Variants in BBS9 observed in about 807,000 individuals in gnomAD.
BBS9 encodes protein PTHB1.
A neutral mutation model predicts 117.7 loss-of-function variants in BBS9; 89 were observed. The observed-to-expected ratio is 0.76, with a 90% CI of 0.64 to 0.90. BBS9 has a LOEUF of 0.90. BBS9 is among the 40% of genes least tolerant of loss of function. BBS9 has a pLI of 0.00. For synonymous variants in BBS9, 379 were observed against 370.9 expected, an observed-to-expected ratio of 1.02 and a Z score of -0.25; for missense variants, 982 against 1,042.2, an observed-to-expected ratio of 0.94 and a Z score of 0.80.
At chr7:33,193,276 T>C (rs1341181607) in intron 5 of BBS9, among the ~76,000 whole-genome samples, 4 of 152,210 alleles carry the variant, frequency 2.6e-5, no homozygotes, top group Non-Finnish European at 5.9e-5. Context: ...TATCACTTTG[T>C]CACTGTGTGT....
intron 21 of BBS9, among the ~76,000 whole-genome samples, chr7:33,573,500 T>C (rs1365138646): frequency 6.6e-6 from 1 of 152,152 alleles, no homozygotes; most frequent in Non-Finnish European, 1.5e-5. Context: ...CTTATTCTTG[T>C]CTAAGCTTTA....
In BBS9 at chr7:33,493,167, G is replaced by T. The variant is rs1003360644; in HGVS notation, c.2116-12296G>T. ...GAGCCACTATGCCCGGCTAATTTTT[G>T]TATTTTTAGTAGAGACAGGGTTTTG... On this transcript the variant is annotated intron_variant, in intron 19 of 22. Coordinates refer to ENST00000242067, the MANE Select transcript of BBS9 (RefSeq NM_198428.3). Among the ~76,000 whole-genome samples, 6 of 152,012 alleles carry T rather than the reference G, an allele frequency of 3.9e-5. No homozygotes were observed. In the South Asian group the frequency reaches 1.2e-3, roughly 32 times the overall value.
At chr7:33,607,780 A>C (rs187580226), downstream of BBS9, among the ~76,000 whole-genome samples, 1 of 152,158 alleles carries the variant, frequency 6.6e-6, no homozygotes, top group Admixed American at 6.6e-5. Context: ...ACAACTCATC[A>C]TTTGTAATGT....
chr7:33,139,581 T>C (rs984660594), intron 1 of BBS9, among the ~76,000 whole-genome samples: 3 of 151,276 alleles, frequency 2.0e-5, no homozygotes, highest in South Asian at 2.1e-4. Flanking sequence ...GGATTTTGAC[T>C]TTTTAAAAAT....
At chr7:33,586,631 G>A (rs555531257) in intron 21 of BBS9, among the ~76,000 whole-genome samples, 19 of 152,156 alleles carry the variant, frequency 1.2e-4, no homozygotes, top group Non-Finnish European at 2.4e-4. Context: ...TAGCAAAGAC[G>A]TGGAATCAAC....
chr7:33,509,219 A>G (rs1297639411), intron 20 of BBS9, among the ~76,000 whole-genome samples: 1 of 152,214 alleles, frequency 6.6e-6, no homozygotes, highest in East Asian at 1.9e-4. Flanking sequence ...CTTCGGACTT[A>G]TACTGTTGAG....
At chr7:33,412,253 T>A (rs2128825835) in intron 19 of BBS9, among the ~76,000 whole-genome samples, 1 of 152,298 alleles carries the variant, frequency 6.6e-6, no homozygotes, top group South Asian at 2.1e-4. Flanking sequence ...TTGAATTGGA[T>A]TTTCAGTCTG....
At chr7:33,328,879 T>C (rs1049766384) in intron 9 of BBS9, among the ~76,000 whole-genome samples, 2 of 152,094 alleles carry the variant, frequency 1.3e-5, no homozygotes, top group Non-Finnish European at 2.9e-5. Flanking sequence ...ATAAAACTAG[T>C]TAAATGTTTT....
At chr7:33,589,615 A>G (rs1037681456) in intron 21 of BBS9, among the ~76,000 whole-genome samples, 1 of 152,090 alleles carries the variant, frequency 6.6e-6, no homozygotes, top group African/African-American at 2.4e-5. Flanking sequence ...GAATGACTCT[A>G]GTAGTTTTGG....
chr7:33,472,227 A>G (rs1462411096), intron 19 of BBS9, among the ~76,000 whole-genome samples: 1 of 152,220 alleles, frequency 6.6e-6, no homozygotes, highest in Non-Finnish European at 1.5e-5. Context: ...AGCACTGTGA[A>G]GATGTCCAGG....
intron 15 of BBS9, among the ~76,000 whole-genome samples, chr7:33,354,476 C>T (rs547202954): frequency 3.9e-5 from 6 of 152,188 alleles, no homozygotes; most frequent in African/African-American, 1.2e-4. Flanking sequence ...AAGCACAGTA[C>T]GTAGCCAGAC....
chr7:33,446,296 T>G (rs979961964), intron 19 of BBS9, among the ~76,000 whole-genome samples: 22 of 152,342 alleles, frequency 1.4e-4, no homozygotes, highest in Admixed American at 6.5e-4. Context: ...CTTCTATGTC[T>G]AATATTAAGG....
intron 21 of BBS9, among the ~76,000 whole-genome samples, chr7:33,611,199 G>T (rs1029363580): frequency 6.6e-6 from 1 of 151,942 alleles, no homozygotes; most frequent in Non-Finnish European, 1.5e-5. Context: ...TCCAGAAAGA[G>T]AAGTTCATGA....
At chr7:33,455,233 G>T (rs1052968779) in intron 19 of BBS9, among the ~76,000 whole-genome samples, 1 of 91,242 alleles carries the variant, frequency 1.1e-5, no homozygotes, top group African/African-American at 5.7e-5. Context: ...AAATATGGAC[G>T]TGATGGTGGT....
chr7:33,624,772 C>T (rs1356595462), intron 21 of BBS9, among the ~76,000 whole-genome samples: 1 of 152,108 alleles, frequency 6.6e-6, no homozygotes, highest in Non-Finnish European at 1.5e-5. Flanking sequence ...TTAAAGGGGG[C>T]ACTATTAATA....
chr7:33,228,680 G>T (rs1486742037), intron 5 of BBS9, among the ~76,000 whole-genome samples: 2 of 152,106 alleles, frequency 1.3e-5, no homozygotes, highest in Non-Finnish European at 2.9e-5. Flanking sequence ...AGTAAAGTCA[G>T]CTATAGTAAA....
intron 19 of BBS9, among the ~76,000 whole-genome samples, chr7:33,420,968 C>T (rs953594374): frequency 9.2e-5 from 14 of 152,182 alleles, no homozygotes; most frequent in Non-Finnish European, 1.5e-4. Context: ...ATCGAGGCCT[C>T]TCTAGACACT....
chr7:33,307,733 A>G (rs1808321905), intron 9 of BBS9, among the ~76,000 whole-genome samples: 1 of 152,060 alleles, frequency 6.6e-6, no homozygotes, highest in Non-Finnish European at 1.5e-5. Flanking sequence ...CATAATGACA[A>G]GAAAAAAGTC....
intron 21 of BBS9, among the ~76,000 whole-genome samples, chr7:33,585,213 TAA>T (rs1860684552): frequency 6.6e-6 from 1 of 152,144 alleles, no homozygotes; most frequent in African/African-American, 2.4e-5. Flanking sequence ...GGTGTCTCTT[TAA>T]GTTACTTCTG....
Sources: gnomAD v4.1 joint callset for allele counts (sites outside exome capture counted in the v4.1 genomes callset) on GRCh38, gnomAD v4.1.1 for gene constraint, MANE v1.5 for transcripts, NCBI Gene and HGNC (gene_info 2026-07-23, HGNC 2026-07-21) for gene names.